Variants in NSUN6 observed in about 807,000 individuals in gnomAD.
NSUN6 encodes the protein tRNA (cytosine(72)-C(5))-methyltransferase NSUN6.
Under a neutral mutation model 58.0 loss-of-function variants are expected in NSUN6, and 64 were observed. The observed-to-expected ratio is 1.10, with a 90% CI of 0.90 to 1.36. The LOEUF is 1.36. Ranked by LOEUF, NSUN6 falls within the 40% of genes most tolerant of loss-of-function variation. The pLI is 0.00. For synonymous variants in NSUN6, 231 were observed against 193.9 expected (o/e 1.19, Z -1.59); for missense variants, 701 against 550.1 (o/e 1.27, Z -2.74).
At chr10:18,628,585 G>C (rs1010102851) in intron 3 of NSUN6, among the ~76,000 whole-genome samples, 1 of 152,172 alleles carries the variant, frequency 6.6e-6, no homozygotes, top group Non-Finnish European at 1.5e-5. Context: ...TGAAAACCAA[G>C]GCTCGAGAAC....
At chr10:18,600,958 ATACATATATATATATATATG>A (rs2057797029) in intron 6 of NSUN6, among the ~76,000 whole-genome samples, 1 of 99,840 alleles carries the variant, frequency 1.0e-5, no homozygotes, top group African/African-American at 3.9e-5. Flanking sequence ...ATATATATAT[ATACATATATATATATATATG>A]TATATATATA....
upstream of NSUN6, among the ~76,000 whole-genome samples, chr10:18,655,933 C>T (rs2059772476): frequency 6.6e-6 from 1 of 152,124 alleles, no homozygotes; most frequent in Admixed American, 6.6e-5. Context: ...TGACCAAAGT[C>T]ATAGACCTAC....
intron 6 of NSUN6, among the ~76,000 whole-genome samples, chr10:18,600,941 A>AAAAATATATATATAT (rs1487679670): frequency 4.6e-5 from 2 of 43,528 alleles, no homozygotes; most frequent in African/African-American, 1.6e-4. Context: ...AAAAAAAAAA[A>AAAAATATATATATAT]ATATATATAT....
At chr10:18,620,945 G>C (rs971131747) in intron 3 of NSUN6, among the ~76,000 whole-genome samples, 1 of 152,178 alleles carries the variant, frequency 6.6e-6, no homozygotes, top group Non-Finnish European at 1.5e-5. Context: ...ATGAATTCTG[G>C]AACAGAGAAC....
At position 18,648,536 on chromosome 10, in the gene NSUN6, G is replaced by A. The variant is rs184610165; in HGVS notation, c.185C>T (p.Ala62Val). 1,043 of 1,608,880 alleles carry A rather than the reference G, an allele frequency of 6.5e-4. 3 individuals are homozygous for A. The highest frequency in any genetic ancestry group is 5.8e-3 in the Admixed American group (348 of 60,006). The stretch of plus-strand genomic sequence containing the variant: ...CAGATTTTTCACATGTTGTACTGAG[G>A]CTAAATGTGTATTCACTCTGACAGT... Reference protein sequence around the residue: ...FTTVRVNTHLASVQHVKNLLL... With the variant: ...FTTVRVNTHLVSVQHVKNLLL... The change falls in exon 2 of 11, where the codon GCC becomes GTC. Residue 62 changes from alanine (A) to valine (V), a missense_variant. Ala to Val is a moderately conservative substitution (Grantham distance 64). Transcript: ENST00000377304.
chr10:18,575,054 A>G lies in NSUN6; in HGVS notation c.922+10895T>C, dbSNP rs7917217. ...GGAAAAACTAATAAAAATAGGCGCT[A>G]AAGAGAATTCAGAATGAAAATGGAT... On this transcript the variant is annotated intron_variant, in intron 8 of 10. Coordinates refer to ENST00000377304, the MANE Select transcript of NSUN6 (RefSeq NM_182543.5). Among the ~76,000 whole-genome samples the G allele has an allele frequency of 8.4e-3, 1,273 of 152,252 alleles. 14 individuals are homozygous for G. The highest frequency in any genetic ancestry group is 0.033 in the South Asian group (161 of 4,820).
At chr10:18,635,936 A>G (rs564470431) in intron 3 of NSUN6, among the ~76,000 whole-genome samples, 3 of 151,224 alleles carry the variant, frequency 2.0e-5, no homozygotes, top group African/African-American at 7.3e-5. Flanking sequence ...CTAAAGTTCA[A>G]TAAGTAAGAA....
chr10:18,552,538 T>C (rs958243379), intron 8 of NSUN6, among the ~76,000 whole-genome samples: 1 of 152,138 alleles, frequency 6.6e-6, no homozygotes, highest in African/African-American at 2.4e-5. Flanking sequence ...TATTTAATAT[T>C]ATTGGAGGAA....
chr10:18,593,875 TA>T (rs772814324), intron 7 of NSUN6, among the ~76,000 whole-genome samples: 1,104 of 96,070 alleles, frequency 0.011, 3 homozygotes, highest in African/African-American at 0.012. Flanking sequence ...AAAGCACAAT[TA>T]AAAAAAAAAA....
chr10:18,574,277 C>A (rs1487470874), intron 8 of NSUN6, among the ~76,000 whole-genome samples: 1 of 152,002 alleles, frequency 6.6e-6, no homozygotes, highest in African/African-American at 2.4e-5. Context: ...GCACGCCTCA[C>A]CAAGTTAGAA....
chr10:18,578,168 CAGCAGCT>C (rs1480583594), intron 8 of NSUN6, among the ~76,000 whole-genome samples: 1 of 151,832 alleles, frequency 6.6e-6, no homozygotes, highest in African/African-American at 2.4e-5. Context: ...GAGTAACGAG[CAGCAGCT>C]AGGCAGGACC....
chr10:18,630,226 A>C (rs1381333810), intron 3 of NSUN6, among the ~76,000 whole-genome samples: 2 of 149,572 alleles, frequency 1.3e-5, no homozygotes, highest in Admixed American at 1.3e-4. Flanking sequence ...GACACAACAT[A>C]CCAGAATCTC....
At chr10:18,644,678 T>C (rs928950852) in intron 2 of NSUN6, among the ~76,000 whole-genome samples, 3 of 148,526 alleles carry the variant, frequency 2.0e-5, no homozygotes, top group South Asian at 2.1e-4. Flanking sequence ...CTACTAAAAA[T>C]ACAAAAAAAA....
intron 8 of NSUN6, among the ~76,000 whole-genome samples, chr10:18,552,668 CTCCATTCCAT>C (rs999904113): frequency 7.1e-4 from 108 of 151,700 alleles, no homozygotes; most frequent in Middle Eastern, 3.4e-3. Flanking sequence ...CTATTCCATT[CTCCATTCCAT>C]TCCATTCCAT....
At chr10:18,632,174 A>G (rs1274475876) in intron 3 of NSUN6, among the ~76,000 whole-genome samples, 1 of 152,114 alleles carries the variant, frequency 6.6e-6, no homozygotes, top group Admixed American at 6.6e-5. Context: ...CTAGTTAATA[A>G]ATGGTGCTGG....
chr10:18,546,208 A>T, intron 10 of NSUN6, 63 bp from the exon 11 acceptor site: 1 of 1,121,210 alleles, frequency 8.9e-7, no homozygotes, highest in Non-Finnish European at 1.4e-6. Context: ...TGACTGCTAC[A>T]ATTTAAGTTA....
intron 3 of NSUN6, among the ~76,000 whole-genome samples, chr10:18,632,477 A>C (rs928134481): frequency 1.4e-4 from 21 of 149,040 alleles, no homozygotes; most frequent in South Asian, 6.7e-4. Flanking sequence ...CAACCTACAA[A>C]ATGGGAGAAA....
intron 5 of NSUN6, among the ~76,000 whole-genome samples, chr10:18,611,624 G>T (rs1016747360): frequency 6.6e-6 from 1 of 152,154 alleles, no homozygotes; most frequent in South Asian, 2.1e-4. Flanking sequence ...CTAACTACTG[G>T]GTTCAAGTGA....
chr10:18,606,734 A>G (rs2058060799), intron 6 of NSUN6, among the ~76,000 whole-genome samples: 1 of 152,192 alleles, frequency 6.6e-6, no homozygotes, highest in Non-Finnish European at 1.5e-5. Flanking sequence ...AAACTTTTCA[A>G]CCTGATGAGA....
Sources: gnomAD v4.1 joint callset for allele counts (sites outside exome capture counted in the v4.1 genomes callset) on GRCh38, gnomAD v4.1.1 for gene constraint, MANE v1.5 for transcripts, NCBI Gene and HGNC (gene_info 2026-07-23, HGNC 2026-07-21) for gene names.